Variants in NAALADL2 observed in about 807,000 individuals in gnomAD.
NAALADL2 encodes inactive N-acetylated-alpha-linked acidic dipeptidase-like protein 2.
NAALADL2 carries 76 observed loss-of-function variants against 87.2 expected under a neutral mutation model. The ratio of observed to expected loss-of-function variants is 0.87; its 90% CI spans 0.72 to 1.05. The LOEUF (loss-of-function observed/expected upper bound fraction) is 1.05. NAALADL2 is among the 50% of genes least tolerant of loss of function. The pLI, the probability that NAALADL2 is intolerant of heterozygous loss-of-function variation, is 0.00. For missense variants in NAALADL2, 1,089 were observed against 945.8 expected (o/e 1.15, Z -1.99); for synonymous variants, 354 against 331.0 (o/e 1.07, Z -0.75).
Position 175,013,352 on chromosome 3 carries a change from G to A in NAALADL2, c.44-83438G>A, listed in dbSNP as rs187263440. 1.9e-4 allele frequency among the ~76,000 whole-genome samples: 24 copies of A among 129,388 alleles called. No individual in the cohort carries two copies. The Admixed American group carries it at 2.0e-3, about 11-fold the overall frequency. 84.9% of individuals were successfully genotyped at this position (129,388 alleles called of 152,430 possible). On this transcript the variant is annotated intron_variant, in intron 1 of 13. Transcript: ENST00000454872. ...CTTGCTCTGTTGTCCAGGCTGGAGT[G>A]CAGTGGTGTGATCTCGGCTCATTGA...
chr3:175,694,543 T>C (rs1269075094), intron 11 of NAALADL2, among the ~76,000 whole-genome samples: 4 of 152,142 alleles, frequency 2.6e-5, no homozygotes, highest in African/African-American at 9.7e-5. Flanking sequence ...AAAATTAATT[T>C]TGGGGGCATT....
At chr3:175,169,177 CGT>C (rs1734418144) in intron 2 of NAALADL2, among the ~76,000 whole-genome samples, 1 of 151,562 alleles carries the variant, frequency 6.6e-6, no homozygotes, top group South Asian at 2.1e-4. Context: ...ATATTGGAGA[CGT>C]ATGCTTTCTA....
chr3:175,631,288 A>AT (rs938558896), intron 11 of NAALADL2, among the ~76,000 whole-genome samples: 3 of 151,580 alleles, frequency 2.0e-5, no homozygotes, highest in Admixed American at 6.6e-5. Flanking sequence ...TAGAAGTGCA[A>AT]TTTTGTTACA....
chr3:175,708,930 T>G (rs191224132), intron 11 of NAALADL2, among the ~76,000 whole-genome samples: 46 of 152,176 alleles, frequency 3.0e-4, no homozygotes, highest in African/African-American at 1.1e-3. Context: ...CTCATGTACA[T>G]TGTCTCCCCT....
chr3:174,846,260 A>G (rs1724603986), intron 3 of NAALADL2, among the ~76,000 whole-genome samples: 1 of 152,174 alleles, frequency 6.6e-6, no homozygotes, highest in African/African-American at 2.4e-5. Context: ...TTGGTATACT[A>G]GGTTTCTGTG....
chr3:174,764,821 T>C (rs909836076), intron 3 of NAALADL2, among the ~76,000 whole-genome samples: 6 of 152,002 alleles, frequency 3.9e-5, no homozygotes, highest in African/African-American at 7.2e-5. Context: ...AGGAGAGAAA[T>C]AAGACAAATC....
intron 1 of NAALADL2, among the ~76,000 whole-genome samples, chr3:174,938,186 T>C (rs777763734): frequency 6.6e-6 from 1 of 152,040 alleles, no homozygotes; most frequent in Non-Finnish European, 1.5e-5. Flanking sequence ...CACCCTGCAC[T>C]CTCAACTAGA....
rs776170812 is a variant in NAALADL2 at position 175,096,928 on chromosome 3, T to A, written c.182T>A (p.Phe61Tyr). 1.2e-6 allele frequency: 2 copies of A among 1,613,294 alleles called. No individual in the cohort carries two copies. The highest frequency in any genetic ancestry group is 2.7e-5 in the African/African-American group (2 of 74,854). ...DMEKELEESG[F>Y]DQFQLDGAEN... Reference sequence around the variant, plus strand: ...GAGAAGGAACTAGAGGAGTCTGGTTTTGACCAATTCCAGCTAGACGGTGCT... The same window carrying A: ...GAGAAGGAACTAGAGGAGTCTGGTTATGACCAATTCCAGCTAGACGGTGCT... Residue 61 changes from phenylalanine to tyrosine, a missense_variant, in exon 2 of 14, where the codon TTT becomes TAT. Coordinates refer to ENST00000454872, the MANE Select transcript of NAALADL2 (RefSeq NM_207015.3).
At chr3:175,049,091 C>T (rs544318239) in intron 1 of NAALADL2, among the ~76,000 whole-genome samples, 3 of 152,162 alleles carry the variant, frequency 2.0e-5, no homozygotes, top group African/African-American at 7.2e-5. Context: ...TAGTACTCAA[C>T]CCCACAGATA....
chr3:174,640,944 C>T (rs888512152), intron 2 of NAALADL2, among the ~76,000 whole-genome samples: 1 of 152,158 alleles, frequency 6.6e-6, no homozygotes. Context: ...TGCTCTTTCC[C>T]GGAAGCACCG....
At chr3:175,466,886 G>T in intron 7 of NAALADL2, 93 bp from the exon 8 acceptor site, 2 of 1,084,214 alleles carry the variant, frequency 1.8e-6, no homozygotes, top group Admixed American at 2.0e-5. Context: ...CTTAATTATT[G>T]CTCAGTTGTG....
intron 3 of NAALADL2, among the ~76,000 whole-genome samples, chr3:174,751,161 T>C (rs992155978): frequency 2.6e-5 from 4 of 152,102 alleles, no homozygotes; most frequent in African/African-American, 9.7e-5. Context: ...GTAATGCGTC[T>C]AGTGTTGCTT....
At chr3:175,297,856 G>A (rs1234687204) in intron 4 of NAALADL2, among the ~76,000 whole-genome samples, 1 of 152,074 alleles carries the variant, frequency 6.6e-6, no homozygotes, top group Non-Finnish European at 1.5e-5. Context: ...TTTACATAAT[G>A]AATATTTAAA....
At chr3:175,442,702 G>A (rs939972251) in intron 5 of NAALADL2, among the ~76,000 whole-genome samples, 8 of 152,080 alleles carry the variant, frequency 5.3e-5, no homozygotes, top group African/African-American at 1.7e-4. Flanking sequence ...TGACGTAATG[G>A]GTCTGTTTGA....
rs202245445 is a variant in NAALADL2 at position 175,367,810 on chromosome 3, G to A, written c.1090+43485G>A. 5.7e-3 allele frequency among the ~76,000 whole-genome samples: 865 copies of A among 152,250 alleles called. 4 individuals carry two copies. The highest frequency in any genetic ancestry group is 0.029 in the East Asian group (151 of 5,178). ...ATCATGTTGTCTGCAAACAGGGACA[G>A]TTTGACTTCCTCTTTTCCTAACTGA... On this transcript the variant is annotated intron_variant, in intron 5 of 13. Transcript: ENST00000454872.
intron 1 of NAALADL2, among the ~76,000 whole-genome samples, chr3:174,866,258 TG>T (rs1156312614): frequency 6.6e-6 from 1 of 151,806 alleles, no homozygotes; most frequent in East Asian, 1.9e-4. Context: ...AAATTAAAAT[TG>T]TTATAGAGAG....
chr3:175,181,709 G>A (rs796548910), intron 2 of NAALADL2, among the ~76,000 whole-genome samples: 1 of 53,084 alleles, frequency 1.9e-5, no homozygotes, highest in Admixed American at 2.3e-4. Flanking sequence ...ATATATGTGT[G>A]TGTGTGTGTA....
At chr3:175,229,138 A>G (rs1161334416) in intron 2 of NAALADL2, among the ~76,000 whole-genome samples, 1 of 151,950 alleles carries the variant, frequency 6.6e-6, no homozygotes, top group East Asian at 1.9e-4. Flanking sequence ...CATATACATT[A>G]TAACATGGAT....
intron 1 of NAALADL2, among the ~76,000 whole-genome samples, chr3:174,941,005 G>A (rs772378202): frequency 3.3e-5 from 5 of 151,594 alleles, no homozygotes; most frequent in Admixed American, 6.6e-5. Context: ...AATTTCCTTC[G>A]GTTCAGCTCT....
Sources: allele counts gnomAD v4.1 joint callset (sites outside exome capture counted in the v4.1 genomes callset), GRCh38; gene constraint gnomAD v4.1.1; transcripts MANE v1.5; gene names NCBI Gene and HGNC (gene_info 2026-07-23, HGNC 2026-07-21).